Variants in CDH23 observed in about 807,000 individuals in gnomAD.
The protein encoded by CDH23 is cadherin related 23.
Under a neutral mutation model 317.1 loss-of-function variants are expected in CDH23, and 189 were observed. That is an observed-to-expected ratio of 0.60 (90% CI 0.53 to 0.67). The LOEUF is 0.67. Among genes scored for constraint, CDH23 ranks in the 30% least tolerant of loss-of-function variants. The pLI is 0.00. For synonymous variants in CDH23, 1,839 were observed against 1,876.8 expected (o/e 0.98, Z 0.52); for missense variants, 4,401 against 4,592.4 (o/e 0.96, Z 1.20).
At chr10:71,546,530 G>C (rs1363380647) in intron 6 of CDH23, among the ~76,000 whole-genome samples, 1 of 152,240 alleles carries the variant, frequency 6.6e-6, no homozygotes, top group Non-Finnish European at 1.5e-5. Flanking sequence ...GAATTAGGGA[G>C]GGCTTTCCAG....
At chr10:71,431,082 G>A (rs1194213064) in intron 1 of CDH23, among the ~76,000 whole-genome samples, 4 of 152,242 alleles carry the variant, frequency 2.6e-5, no homozygotes, top group Non-Finnish European at 5.9e-5. Flanking sequence ...CTCTGGGAAG[G>A]AGTTGTGGGA....
intron 11 of CDH23, among the ~76,000 whole-genome samples, chr10:71,632,039 T>C (rs994929241): frequency 6.6e-6 from 1 of 152,232 alleles, no homozygotes; most frequent in Non-Finnish European, 1.5e-5. Context: ...GGGACTGTTC[T>C]GTATCCTGGT....
chr10:71,399,381 G>C (rs1847681257), intron 1 of CDH23, among the ~76,000 whole-genome samples: 1 of 152,184 alleles, frequency 6.6e-6, no homozygotes, highest in African/African-American at 2.4e-5. Flanking sequence ...TTCTCTAAGA[G>C]GCATTGCATA....
At chr10:71,438,785 T>C (rs1454335627) in intron 1 of CDH23, among the ~76,000 whole-genome samples, 2 of 152,194 alleles carry the variant, frequency 1.3e-5, no homozygotes, top group African/African-American at 2.4e-5. Context: ...CTGAACAAAT[T>C]GTCTGATGGC....
chr10:71,411,668 TACTTC>T (rs1190230819), intron 1 of CDH23, among the ~76,000 whole-genome samples: 2 of 152,028 alleles, frequency 1.3e-5, no homozygotes, highest in African/African-American at 4.8e-5. Flanking sequence ...TAAGCATACT[TACTTC>T]AATTCTGGTA....
At chr10:71,617,677 T>A in intron 11 of CDH23, 1 of 414,516 alleles carries the variant, frequency 2.4e-6, no homozygotes, top group Non-Finnish European at 3.3e-6. Context: ...AGGGATATTG[T>A]AAAGCATGTA....
intron 55 of CDH23, among the ~76,000 whole-genome samples, chr10:71,804,032 A>G (rs1265167635): frequency 1.3e-5 from 2 of 151,344 alleles, no homozygotes; most frequent in African/African-American, 2.4e-5. Flanking sequence ...TCTATCGCTT[A>G]TCAGCCCAAC....
rs527947781 is a variant in CDH23, at chr10:71,557,891, C to G, written c.430-8851C>G. Among the ~76,000 whole-genome samples, 4 of 152,308 alleles carry G rather than the reference C, an allele frequency of 2.6e-5. No individual in the cohort carries two copies. In the South Asian group the frequency reaches 8.3e-4, roughly 32 times the overall value. ...TCAGTATGAGTCTTTCTTCTGAACACATACTGGTCTCTTTCAATCTGGAAA... is the reference window on the plus strand; with the variant it reads ...TCAGTATGAGTCTTTCTTCTGAACAGATACTGGTCTCTTTCAATCTGGAAA... On this transcript the variant is annotated intron_variant, in intron 6 of 69. Transcript: ENST00000224721.
chr10:71,762,124 C>T, intron 38 of CDH23: 3 of 1,371,210 alleles, frequency 2.2e-6, no homozygotes, highest in African/African-American at 1.5e-5. Context: ...TACTTCCCAG[C>T]CACAGGCCAG....
intron 12 of CDH23, among the ~76,000 whole-genome samples, chr10:71,644,119 G>T (rs938596851): frequency 6.6e-6 from 1 of 152,364 alleles, no homozygotes; most frequent in Admixed American, 6.5e-5. Context: ...GTGACGGGAC[G>T]CATTCCACAC....
chr10:71,745,984 C>A (rs1469088221), intron 38 of CDH23, among the ~76,000 whole-genome samples: 1 of 152,234 alleles, frequency 6.6e-6, no homozygotes, highest in Non-Finnish European at 1.5e-5. Flanking sequence ...TCAGGACCAA[C>A]CTTGCTGGAG....
intron 3 of CDH23, among the ~76,000 whole-genome samples, chr10:71,499,320 G>C (rs1039035742): frequency 6.6e-6 from 1 of 152,228 alleles, no homozygotes; most frequent in Non-Finnish European, 1.5e-5. Flanking sequence ...CCAGCACTTT[G>C]GGAGGCTGAG....
At chr10:71,613,938 G>T (rs1398816136) in intron 9 of CDH23, among the ~76,000 whole-genome samples, 2 of 152,192 alleles carry the variant, frequency 1.3e-5, no homozygotes, top group African/African-American at 4.8e-5. Context: ...TTGTGCCGGG[G>T]ATGGTCCCAA....
chr10:71,409,918 C>G (rs562024017), intron 1 of CDH23, among the ~76,000 whole-genome samples: 9 of 152,210 alleles, frequency 5.9e-5, no homozygotes, highest in Admixed American at 2.0e-4. Context: ...CCCTTTGTGC[C>G]TGGTCTGGGT....
intron 3 of CDH23, among the ~76,000 whole-genome samples, chr10:71,503,849 A>G (rs967582585): frequency 1.3e-5 from 2 of 151,978 alleles, no homozygotes; most frequent in African/African-American, 4.8e-5. Flanking sequence ...TAGGGTAGGA[A>G]CCTTCCCAGC....
At chr10:71,721,722 G>A (rs914506676) in intron 28 of CDH23, among the ~76,000 whole-genome samples, 3 of 152,164 alleles carry the variant, frequency 2.0e-5, no homozygotes, top group Non-Finnish European at 2.9e-5. Context: ...CAGGCTCCTC[G>A]CTCTGCCTTC....
intron 38 of CDH23, among the ~76,000 whole-genome samples, chr10:71,765,738 G>A (rs928367804): frequency 3.9e-5 from 6 of 152,074 alleles, no homozygotes; most frequent in Admixed American, 3.3e-4. Context: ...CTCACACACT[G>A]GCCACCCATC....
intron 3 of CDH23, among the ~76,000 whole-genome samples, chr10:71,499,100 C>T (rs1451611985): frequency 6.6e-6 from 1 of 152,100 alleles, no homozygotes; most frequent in African/African-American, 2.4e-5. Flanking sequence ...TCATTTGCAG[C>T]CACATAGATG....
chr10:71,539,710 CTCTT>C (rs1316774370), intron 6 of CDH23, among the ~76,000 whole-genome samples: 3 of 151,864 alleles, frequency 2.0e-5, no homozygotes, highest in African/African-American at 7.3e-5. Context: ...TCCCTTCTCT[CTCTT>C]TCCTCTCTCC....
Sources: gnomAD v4.1 joint callset for allele counts (sites outside exome capture counted in the v4.1 genomes callset) on GRCh38, gnomAD v4.1.1 for gene constraint, MANE v1.5 for transcripts, NCBI Gene and HGNC (gene_info 2026-07-23, HGNC 2026-07-21) for gene names.